ARHGAP40: variants seen among roughly 807,000 people sequenced by gnomAD.
ARHGAP40 encodes rho GTPase-activating protein 40.
ARHGAP40 carries 43 observed loss-of-function variants against 73.5 expected under a neutral mutation model. The observed-to-expected ratio is 0.58, with a 90% CI of 0.46 to 0.75. The LOEUF is 0.75. Among genes scored for constraint, ARHGAP40 ranks in the 30% least tolerant of loss-of-function variants. The pLI, the probability that ARHGAP40 is intolerant of heterozygous loss-of-function variation, is 0.00. For synonymous variants in ARHGAP40, 300 were observed against 352.8 expected (o/e 0.85, Z 1.68); for missense variants, 734 against 861.8 (o/e 0.85, Z 1.86).
chr20:38,641,755 G>T (rs751862370), exon 10 of ARHGAP40: 130 of 1,294,658 alleles, frequency 1.0e-4, no homozygotes, highest in Non-Finnish European at 1.2e-5. Context: ...GCGCCTGCAG[G>T]TTCTTCACCT....
intron 1 of ARHGAP40, among the ~76,000 whole-genome samples, chr20:38,607,524 C>T (rs541878413): frequency 1.3e-5 from 2 of 152,332 alleles, no homozygotes; most frequent in South Asian, 2.1e-4. Context: ...CAGGTCCCTT[C>T]GGATGGAGCT....
chr20:38,616,439 G>C (rs556382555), intron 1 of ARHGAP40, among the ~76,000 whole-genome samples: 4 of 152,312 alleles, frequency 2.6e-5, no homozygotes, highest in African/African-American at 7.2e-5. Flanking sequence ...GCAGAGCTGG[G>C]GCTACATCTG....
At chr20:38,635,141 A>G (rs1287739980) in intron 6 of ARHGAP40, among the ~76,000 whole-genome samples, 1 of 151,888 alleles carries the variant, frequency 6.6e-6, no homozygotes, top group African/African-American at 2.4e-5. Context: ...CAGCCTCCCA[A>G]AGTGCTGGGA....
At chr20:38,650,022 C>T (rs1376740422) in exon 15 of ARHGAP40, 2 of 398,424 alleles carry the variant, frequency 5.0e-6, no homozygotes, top group African/African-American at 2.1e-5. Context: ...AGGGGTGGTG[C>T]TCTCTCCACT....
intron 2 of ARHGAP40, among the ~76,000 whole-genome samples, 157 bp downstream of exon 2, chr20:38,623,715 C>A (rs565903781): frequency 6.6e-6 from 1 of 152,206 alleles, no homozygotes; most frequent in Non-Finnish European, 1.5e-5. Context: ...CTGCTTCACC[C>A]GTGATCCTTA....
chr20:38,630,076 C>CTT (rs1568608479), intron 5 of ARHGAP40, among the ~76,000 whole-genome samples: 253 of 83,420 alleles, frequency 3.0e-3, no homozygotes, highest in African/African-American at 8.1e-3. Context: ...TTCTTTCTTT[C>CTT]TTTCTTTTTC....
Position 38,643,657 on chromosome 20 carries a change from G to T in ARHGAP40, c.1363-47G>T, listed in dbSNP as rs114430167. The T allele has an allele frequency of 1.3e-5, 17 of 1,286,008 alleles. No homozygotes were observed. The South Asian group carries it at 1.5e-4, about 11-fold the overall frequency. The allele number at this position is 1,286,008 out of a possible 1,614,324, so 79.7% of individuals were successfully genotyped here. On this transcript the variant is annotated intron_variant, in intron 10 of 14. Coordinates refer to ENST00000373345, the Ensembl canonical transcript of ARHGAP40. ...AATGCCCTGGGGATGGTGGGGAGGCGCCAGGGATGGGCTGAGATTTGAGGG... is the reference window on the plus strand; with the variant it reads ...AATGCCCTGGGGATGGTGGGGAGGCTCCAGGGATGGGCTGAGATTTGAGGG...
chr20:38,618,126 G>A (rs2088853295), intron 1 of ARHGAP40, among the ~76,000 whole-genome samples: 1 of 150,612 alleles, frequency 6.6e-6, no homozygotes, highest in South Asian at 2.1e-4. Context: ...CTGAGACGGA[G>A]TCTCACATTG....
chr20:38,628,031 C>T (rs2088913441), intron 3 of ARHGAP40, among the ~76,000 whole-genome samples: 1 of 152,202 alleles, frequency 6.6e-6, no homozygotes, highest in Non-Finnish European at 1.5e-5. Flanking sequence ...GCGGGGCCAC[C>T]CGATAGGCCG....
At chr20:38,640,214 C>CT (rs2089009241) in intron 9 of ARHGAP40, among the ~76,000 whole-genome samples, 1 of 104,938 alleles carries the variant, frequency 9.5e-6, no homozygotes, top group African/African-American at 3.6e-5. Context: ...TTTCTTCTTT[C>CT]TTTCTTTTTT....
intron 1 of ARHGAP40, among the ~76,000 whole-genome samples, chr20:38,610,349 A>G (rs940645854): frequency 6.6e-6 from 1 of 152,164 alleles, no homozygotes; most frequent in Non-Finnish European, 1.5e-5. Flanking sequence ...GTCACGTGGC[A>G]GAGTGTAACA....
intron 11 of ARHGAP40, among the ~76,000 whole-genome samples, chr20:38,644,456 T>C (rs541534467): frequency 1.3e-5 from 2 of 152,090 alleles, no homozygotes; most frequent in Non-Finnish European, 2.9e-5. Flanking sequence ...GGCAGCACCA[T>C]CTACCACTGC....
At chr20:38,635,620 G>A (rs1332502868) in intron 6 of ARHGAP40, among the ~76,000 whole-genome samples, 1 of 152,116 alleles carries the variant, frequency 6.6e-6, no homozygotes, top group Non-Finnish European at 1.5e-5. Flanking sequence ...CCTTGATCAT[G>A]CCACTGCACT....
At chr20:38,619,891 T>C (rs1327895117) in intron 1 of ARHGAP40, among the ~76,000 whole-genome samples, 3 of 151,884 alleles carry the variant, frequency 2.0e-5, no homozygotes, top group Non-Finnish European at 4.4e-5. Flanking sequence ...CTGAGCAGCA[T>C]AGCAAGACCT....
chr20:38,643,940 C>G, intron 11 of ARHGAP40, 30 bp downstream of exon 11: 1 of 1,265,482 alleles, frequency 7.9e-7, no homozygotes, highest in Non-Finnish European at 1.0e-6. Context: ...GGGTATCCCT[C>G]TGGGTGCAGC....
intron 1 of ARHGAP40, among the ~76,000 whole-genome samples, chr20:38,621,182 G>A (rs1403986775): frequency 3.9e-5 from 6 of 152,102 alleles, no homozygotes; most frequent in Non-Finnish European, 8.8e-5. Flanking sequence ...CACAAGATGG[G>A]GGCTAAGCAG....
At chr20:38,641,849 CCCACAG>C in intron 10 of ARHGAP40, 41 bp downstream of exon 10, 1 of 1,224,378 alleles carries the variant, frequency 8.2e-7, no homozygotes, top group Non-Finnish European at 1.1e-6. Context: ...GCCATCTCAG[CCCACAG>C]CCACAGCCAT....
chr20:38,606,376 A>T (rs1042937099), intron 1 of ARHGAP40, among the ~76,000 whole-genome samples: 2 of 152,238 alleles, frequency 1.3e-5, no homozygotes, highest in Non-Finnish European at 2.9e-5. Context: ...GTATACATTT[A>T]AAATTCTGAA....
chr20:38,609,101 C>T (rs964470782), intron 1 of ARHGAP40, among the ~76,000 whole-genome samples: 2 of 152,150 alleles, frequency 1.3e-5, no homozygotes, highest in African/African-American at 4.8e-5. Flanking sequence ...ACCTTCATCC[C>T]ACCTTTGCCA....
Sources: gnomAD v4.1 joint callset for allele counts (sites outside exome capture counted in the v4.1 genomes callset) on GRCh38, gnomAD v4.1.1 for gene constraint, MANE v1.5 for transcripts, NCBI Gene and HGNC (gene_info 2026-07-23, HGNC 2026-07-21) for gene names.